The following GRB7 variants were observed in gnomAD, a reference collection of about 807,000 sequenced individuals.
The protein encoded by GRB7 is growth factor receptor bound protein 7, also known as growth factor receptor-bound protein 7.
Under a neutral mutation model 64.1 loss-of-function variants are expected in GRB7, and 47 were observed. The observed-to-expected ratio is 0.73, with a 90% CI of 0.58 to 0.94. The LOEUF (loss-of-function observed/expected upper bound fraction) is 0.94, where lower values mean the gene tolerates loss of function less well. GRB7 is among the 40% of genes least tolerant of loss of function. GRB7 has a pLI of 0.00. For synonymous variants in GRB7, 277 were observed against 279.9 expected, an observed-to-expected ratio of 0.99 and a Z score of 0.10; for missense variants, 634 against 718.4, an observed-to-expected ratio of 0.88 and a Z score of 1.34.
rs2060019712 is a variant in GRB7, at chr17:39,743,939, G to A, written c.664-131G>A. 2 of 1,173,000 alleles carry A rather than the reference G, an allele frequency of 1.7e-6. 1 individual carries two copies. 72.7% of individuals were successfully genotyped at this position (1,173,000 alleles called of 1,614,324 possible). On this transcript the variant is annotated intron_variant, in intron 6 of 14. Transcript: ENST00000309156. ...GCTCGGGAGGTCGAGGTTGCAGTGAGCTGTGATCGTGCCACCGCACTAGCA... is the reference window on the plus strand; with the variant it reads ...GCTCGGGAGGTCGAGGTTGCAGTGAACTGTGATCGTGCCACCGCACTAGCA...
chr17:39,742,361 CCCTGGGACCCCT>C lies in GRB7; in HGVS notation c.69_80del (p.Pro25_Pro28del), dbSNP rs2060002190. ...GCTCTCCGGAAGACCTTTGCCCAGC[CCCTGGGACCCCT>C]CCTGGGACTCCCCGGCCCCCTGATA... On this transcript the variant is annotated inframe_deletion, in exon 2 of 15. Transcript: ENST00000309156. 3 of 1,613,940 alleles carry C rather than the reference CCCTGGGACCCCT, an allele frequency of 1.9e-6. No homozygotes were observed. The highest frequency in any genetic ancestry group is 2.5e-6 in the Non-Finnish European group (3 of 1,179,918).
At chr17:39,738,722 C>T (rs2059971518) in intron 1 of GRB7, 1 of 522,830 alleles carries the variant, frequency 1.9e-6, no homozygotes, top group Non-Finnish European at 3.4e-6. Context: ...TCTGGCTCGC[C>T]CAGTTTACCC....
At chr17:39,744,758 C>T (rs1160426914) in intron 8 of GRB7, 95 bp downstream of exon 8, 1 of 1,300,442 alleles carries the variant, frequency 7.7e-7, no homozygotes, top group African/African-American at 1.5e-5. Context: ...CCAATTCAGA[C>T]ACCTAGACTC....
chr17:39,745,617 G>A, intron 11 of GRB7, 79 bp downstream of exon 11: 1 of 1,556,346 alleles, frequency 6.4e-7, no homozygotes, highest in Non-Finnish European at 8.8e-7. Context: ...GAGGGAGGAA[G>A]AGAGGGCGGG....
At chr17:39,746,283 G>A (rs2060045999) in intron 14 of GRB7, 81 bp downstream of exon 14, 2 of 1,136,484 alleles carry the variant, frequency 1.8e-6, no homozygotes, top group Non-Finnish European at 2.7e-6. Flanking sequence ...GGCCCCTCCA[G>A]AGGCTCCCTG....
chr17:39,739,656 C>T (rs2059978929), intron 1 of GRB7, among the ~76,000 whole-genome samples: 1 of 152,240 alleles, frequency 6.6e-6, no homozygotes, highest in African/African-American at 2.4e-5. Flanking sequence ...TAGGGCCAGC[C>T]AGGTGGGGCG....
At chr17:39,738,256 C>T (rs1284253625) in intron 1 of GRB7, 123 bp downstream of exon 1, 2 of 152,254 alleles carry the variant, frequency 1.3e-5, no homozygotes. Flanking sequence ...GGATTGGAGC[C>T]ACCTGGCTCT....
chr17:39,743,333 A>T (rs1400720161), intron 5 of GRB7, 32 bp downstream of exon 5: 1 of 1,614,126 alleles, frequency 6.2e-7, no homozygotes, highest in Non-Finnish European at 8.5e-7. Context: ...GGGCGCTGGG[A>T]TGCCCTGATC....
chr17:39,741,594 G>A (rs1045077289), intron 1 of GRB7, among the ~76,000 whole-genome samples: 1 of 152,240 alleles, frequency 6.6e-6, no homozygotes, highest in African/African-American at 2.4e-5. Context: ...ACACGTGGAG[G>A]CAAAGGAGTG....
In GRB7 at chr17:39,744,334, C is replaced by A. The variant is rs1169127649; in HGVS notation, c.801+127C>A. 3 of 1,136,170 alleles carry A rather than the reference C, an allele frequency of 2.6e-6. No individual in the cohort carries two copies. In the Admixed American group the frequency reaches 6.1e-5, roughly 23 times the overall value. 70.4% of individuals were successfully genotyped at this position (1,136,170 alleles called of 1,614,324 possible). A position where few individuals can be genotyped will look rare whatever the true frequency, so the allele number is the denominator to read the frequency against. On this transcript the variant is annotated intron_variant, in intron 7 of 14. Coordinates refer to ENST00000309156, the MANE Select transcript of GRB7 (RefSeq NM_005310.5). Reference sequence around the variant, plus strand: ...CCCCAGGCCAGCCACCTCCAGTTTACCATCTCTCCCTACATCCTTGCCTAG... The same window carrying A: ...CCCCAGGCCAGCCACCTCCAGTTTAACATCTCTCCCTACATCCTTGCCTAG...
At chr17:39,741,509 A>G (rs2059993909) in intron 1 of GRB7, among the ~76,000 whole-genome samples, 2 of 152,212 alleles carry the variant, frequency 1.3e-5, no homozygotes, top group Admixed American at 1.3e-4. Context: ...CCAAGTATGA[A>G]CAGGCTCTGG....
At chr17:39,741,789 G>A (rs1475068131) in intron 1 of GRB7, among the ~76,000 whole-genome samples, 1 of 152,072 alleles carries the variant, frequency 6.6e-6, no homozygotes, top group Non-Finnish European at 1.5e-5. Context: ...GGAGGCCAAG[G>A]CGGGCGGATC....
At position 39,745,352 on chromosome 17, in the gene GRB7, G is replaced by A. The variant is rs749049797; in HGVS notation, c.1092+29G>A. On this transcript the variant is annotated intron_variant, in intron 10 of 14. Coordinates refer to ENST00000309156, the MANE Select transcript of GRB7 (RefSeq NM_005310.5). ...AGTGTGCCCAAGGGGATGGGAGGGT[G>A]GGTATGCAGGCCCTGTCTTACGGGT... 5.6e-6 allele frequency: 9 copies of A among 1,605,340 alleles called. No individual in the cohort carries two copies. In the South Asian group the frequency reaches 1.0e-4, roughly 18 times the overall value.
rs72832926 is a variant in GRB7, at chr17:39,745,060, A to T, written c.1011+76A>T. ...AGCTCTGCCCTCAGGAAGTCTCAGG[A>T]ATGAGGAGGGCATCACAGCCTTGCT... On this transcript the variant is annotated intron_variant, in intron 9 of 14. Transcript: ENST00000309156. 2,967 of 1,277,588 alleles carry T rather than the reference A, an allele frequency of 2.3e-3. 10 individuals carry two copies. Among genetic ancestry groups the T allele is most frequent in the Non-Finnish European group, 3.2e-3 (2,815 of 890,748 alleles). 79.1% of individuals were successfully genotyped at this position (1,277,588 alleles called of 1,614,324 possible).
intron 6 of GRB7, 40 bp from the exon 7 acceptor site, chr17:39,744,030 G>A: frequency 6.2e-7 from 1 of 1,611,706 alleles, no homozygotes; most frequent in South Asian, 1.1e-5. Flanking sequence ...GAAGGGAGGA[G>A]GTCAGACCTG....
In GRB7 at chr17:39,742,933, G is replaced by T; in HGVS notation, c.342G>T (p.Arg114Ser). The change falls in exon 4 of 15, where the codon AGG becomes AGT. Residue 114 changes from arginine (R) to serine (S), a missense_variant. Physicochemically the swap from Arg to Ser is moderately radical, Grantham distance 110. This residue lies in a region of GRB7 where 467 missense variants were observed against 576.6 expected (regional missense o/e 0.81). Transcript: ENST00000309156. ...VKVYSEDGAC[R>S]SVEVAAGATA... ...TGTACAGTGAGGATGGGGCCTGCAG[G>T]TCTGTGGAGGTGGCAGCAGGTGCCA... The T allele has an allele frequency of 1.2e-6, 2 of 1,611,584 alleles. No individual in the cohort carries two copies. The highest frequency in any genetic ancestry group is 1.7e-6 in the Non-Finnish European group (2 of 1,178,550).
Position 39,742,705 on chromosome 17 carries a change from A to C in GRB7, c.295A>C (p.Ser99Arg). ...AAGGGGGCTGCTCCCCCGCGATGCC[A>C]GCCGCCCCCATGTGAGTTGTCCCTC... ...SARGLLPRDA[S>R]RPHVVKVYSE... is the part of the protein sequence containing the mutation. The change falls in exon 3 of 15, where the codon AGC becomes CGC. Residue 99 changes from serine to arginine, a missense_variant. Ser to Arg is a moderately radical substitution (Grantham distance 110, BLOSUM62 -1). Coordinates refer to ENST00000309156, the MANE Select transcript of GRB7 (RefSeq NM_005310.5). The C allele has an allele frequency of 6.4e-7, 1 of 1,561,436 alleles. No homozygotes were observed. The highest frequency in any genetic ancestry group is 8.7e-7 in the Non-Finnish European group (1 of 1,153,848).
rs1208596337 is a variant in GRB7, at chr17:39,744,895, C to T, written c.922C>T (p.Leu308Phe). 6.2e-7 allele frequency: 1 copy of T among 1,613,864 alleles called. No homozygotes were observed. The highest frequency in any genetic ancestry group is 2.2e-5 in the East Asian group (1 of 44,896). The change falls in exon 9 of 15, where the codon CTT becomes TTT. Residue 308 changes from leucine (L) to phenylalanine (F), a missense_variant. Coordinates refer to ENST00000309156, the MANE Select transcript of GRB7 (RefSeq NM_005310.5). ...DFGFCVKPNK[L>F]RNGHKGLRIF... ...TTTCCTCTCTCTGCAGCCCAACAAGCTTCGAAATGGCCACAAGGGGCTTCG... is the reference window on the plus strand; with the variant it reads ...TTTCCTCTCTCTGCAGCCCAACAAGTTTCGAAATGGCCACAAGGGGCTTCG...
chr17:39,744,863 C>T (rs2060029690), intron 8 of GRB7, 23 bp from the exon 9 acceptor site: 1 of 1,589,478 alleles, frequency 6.3e-7, no homozygotes, highest in Non-Finnish European at 8.6e-7. Context: ...GATATGGGAC[C>T]AGTCAATTTC....
Sources: allele counts gnomAD v4.1 joint callset (sites outside exome capture counted in the v4.1 genomes callset), GRCh38; gene constraint gnomAD v4.1.1; regional missense constraint gnomAD v4.1.1; transcripts MANE v1.5; gene names NCBI Gene and HGNC (gene_info 2026-07-23, HGNC 2026-07-21).